BCAS3: variants seen among roughly 807,000 people sequenced by gnomAD.
BCAS3 encodes BCAS4/BCAS3 fusion.
BCAS3 carries 53 observed loss-of-function variants against 116.1 expected under a neutral mutation model. That is an observed-to-expected ratio of 0.46 (90% CI 0.37 to 0.57). BCAS3 has a LOEUF of 0.57. Ranked by LOEUF, BCAS3 falls within the 20% of genes least tolerant of loss-of-function variation. BCAS3 has a pLI of 0.00. For synonymous variants in BCAS3, 391 were observed against 408.2 expected (o/e 0.96, Z 0.51); for missense variants, 917 against 1,165.4 (o/e 0.79, Z 3.10).
intron 22 of BCAS3, among the ~76,000 whole-genome samples, chr17:61,170,173 G>A (rs2078754906): frequency 6.6e-6 from 1 of 151,674 alleles, no homozygotes; most frequent in African/African-American, 2.4e-5. Context: ...TTTCTAATCA[G>A]TTGGGTATTC....
rs1351000153 is a variant in BCAS3, at chr17:61,008,812, T to G, written c.1487-6939T>G. On this transcript the variant is annotated intron_variant, in intron 15 of 23. Coordinates refer to ENST00000407086, the MANE Select transcript of BCAS3 (RefSeq NM_017679.5). The surrounding 1 kb of genome is among the most constrained non-coding windows in gnomAD (Gnocchi z 4.6). The stretch of plus-strand genomic sequence containing the variant: ...ATGATGTCTTAGAATAGGTAAAGTG[T>G]TGCAAAGAGGGCAAAAATAAAGGAG... 1.3e-5 allele frequency among the ~76,000 whole-genome samples: 2 copies of G among 152,016 alleles called. No homozygotes were observed. Among genetic ancestry groups the G allele is most frequent in the Non-Finnish European group, 2.9e-5 (2 of 67,950 alleles).
At chr17:61,350,968 G>T (rs1428546571) in intron 22 of BCAS3, among the ~76,000 whole-genome samples, 1 of 152,162 alleles carries the variant, frequency 6.6e-6, no homozygotes, top group African/African-American at 2.4e-5. Flanking sequence ...CCTGCCATTT[G>T]CCACAACTTG....
chr17:60,729,845 T>C (rs1199559796), intron 5 of BCAS3, among the ~76,000 whole-genome samples: 3 of 152,230 alleles, frequency 2.0e-5, no homozygotes, highest in Admixed American at 2.0e-4. Context: ...TTTGTATGTC[T>C]GAGTGATTAT....
intron 12 of BCAS3, among the ~76,000 whole-genome samples, chr17:60,913,719 A>G (rs552185319): frequency 5.9e-5 from 9 of 152,104 alleles, no homozygotes; most frequent in Non-Finnish European, 1.2e-4. Context: ...GCCTTTGATA[A>G]TGATTTTTTT....
chr17:60,891,360 C>T (rs774807154), intron 10 of BCAS3, among the ~76,000 whole-genome samples: 29 of 152,126 alleles, frequency 1.9e-4, no homozygotes, highest in Admixed American at 1.2e-3. Flanking sequence ...TGAATATGCA[C>T]CAGTTGTTTT....
rs757892140 is a variant in BCAS3 at position 61,060,656 on chromosome 17, GTT to G, written c.2030-14260_2030-14259del. Among the ~76,000 whole-genome samples, 114 of 152,200 alleles carry G rather than the reference GTT, an allele frequency of 7.5e-4. 1 individual carries two copies. Among genetic ancestry groups the G allele is most frequent in the Non-Finnish European group, 5.6e-4 (38 of 68,000 alleles). ...AATCTTTTGAAACATTCATAAAATAGTTTTTAAAAAAATTATTGGAGAAACGT... is the reference window on the plus strand; with the variant it reads ...AATCTTTTGAAACATTCATAAAATAGTTTAAAAAAATTATTGGAGAAACGT... On this transcript the variant is annotated intron_variant, in intron 19 of 23. Coordinates refer to ENST00000407086, the MANE Select transcript of BCAS3 (RefSeq NM_017679.5).
In BCAS3 at chr17:61,323,509, A is replaced by G. The variant is rs1712463115; in HGVS notation, c.2426-44818A>G. ...CTGTGAACTGAAGCTAATTTCTCCT[A>G]CCTGGGAGGATTGATATGGAAGAGA... On this transcript the variant is annotated intron_variant, in intron 22 of 23. Transcript: ENST00000407086. The surrounding 1 kb of genome is among the most constrained non-coding windows in gnomAD (Gnocchi z 4.6). 6.6e-6 allele frequency among the ~76,000 whole-genome samples: 1 copy of G among 152,198 alleles called. No homozygotes were observed. The highest frequency in any genetic ancestry group is 2.1e-4 in the South Asian group (1 of 4,830).
intron 22 of BCAS3, among the ~76,000 whole-genome samples, chr17:61,099,535 A>T (rs1312882916): frequency 6.6e-6 from 1 of 152,218 alleles, no homozygotes; most frequent in East Asian, 1.9e-4. Context: ...GCCTATGGTC[A>T]ATTGTGTAAT....
chr17:61,228,544 C>G lies in BCAS3; in HGVS notation c.2426-139783C>G, dbSNP rs193040978. 3.3e-5 allele frequency among the ~76,000 whole-genome samples: 5 copies of G among 152,138 alleles called. No homozygotes were observed. The highest frequency in any genetic ancestry group is 1.2e-4 in the African/African-American group (5 of 41,434). ...TTTTTCTAACAGCATGTGCTCACTT[C>G]GTGTCTCTGTGTCATACTATGGTAA... On this transcript the variant is annotated intron_variant, in intron 22 of 23. Transcript: ENST00000407086. The surrounding 1 kb of genome is among the most constrained non-coding windows in gnomAD (Gnocchi z 5.0).
intron 22 of BCAS3, among the ~76,000 whole-genome samples, chr17:61,185,227 T>C (rs1448882181): frequency 6.6e-6 from 1 of 152,090 alleles, no homozygotes; most frequent in Admixed American, 6.5e-5. Context: ...ACATTCAAGA[T>C]AGACCCTTCA....
intron 2 of BCAS3, among the ~76,000 whole-genome samples, chr17:60,683,505 CTTTTTTTTTTTTTTTTTTTTTTTTTTT>C (rs138663451): frequency 1.1e-4 from 5 of 44,468 alleles, no homozygotes; most frequent in African/African-American, 3.3e-4. Flanking sequence ...AAGAGTTAGC[CTTTTTTTTTTTTTTTTTTTTTTTTTTT>C]TTTTTTTTTT....
intron 19 of BCAS3, among the ~76,000 whole-genome samples, chr17:61,042,383 C>G (rs542018352): frequency 4.8e-4 from 73 of 151,930 alleles, no homozygotes; most frequent in African/African-American, 1.8e-3. Flanking sequence ...AAAGATATAG[C>G]TATATCTATC....
At chr17:61,055,118 A>G (rs1362750630) in intron 19 of BCAS3, among the ~76,000 whole-genome samples, 1 of 152,180 alleles carries the variant, frequency 6.6e-6, no homozygotes, top group East Asian at 1.9e-4. Flanking sequence ...CTTTTCTTCA[A>G]AAAATGAGGA....
At position 61,144,317 on chromosome 17, in the gene BCAS3, C is replaced by CGAGTCT. The variant is rs1288884972; in HGVS notation, c.2425+59754_2425+59759dup. On this transcript the variant is annotated intron_variant, in intron 22 of 23. Transcript: ENST00000407086. The surrounding 1 kb of genome is among the most constrained non-coding windows in gnomAD (Gnocchi z 5.0). The stretch of plus-strand genomic sequence containing the variant: ...GCAAGTGACTCCCTACCATCTCCTC[C>CGAGTCT]GAGTCTTCTACGTGTATGTCTAGAT... Among the ~76,000 whole-genome samples the CGAGTCT allele has an allele frequency of 5.9e-5, 9 of 152,284 alleles. No individual in the cohort carries two copies. In the South Asian group the frequency reaches 1.9e-3, roughly 32 times the overall value.
intron 13 of BCAS3, among the ~76,000 whole-genome samples, chr17:60,930,182 A>G (rs185702447): frequency 1.7e-4 from 26 of 152,300 alleles, no homozygotes; most frequent in African/African-American, 6.3e-4. Flanking sequence ...GTAACCATAT[A>G]TGTTTTAAAA....
Position 60,910,714 on chromosome 17 carries a change from T to A in BCAS3, c.993+12T>A, listed in dbSNP as rs995234490. ...TTGGAGAGGGCCAGGTAAGAAGAAC[T>A]TTTGGTGCGTACCATGTGTGTTACT... On this transcript the variant is annotated intron_variant, in intron 12 of 23. Coordinates refer to ENST00000407086, the MANE Select transcript of BCAS3 (RefSeq NM_017679.5). 1.6e-5 allele frequency: 25 copies of A among 1,596,554 alleles called. No homozygotes were observed. Among genetic ancestry groups the A allele is most frequent in the Non-Finnish European group, 2.0e-5 (24 of 1,171,608 alleles).
In BCAS3 at chr17:61,056,097, G is replaced by A. The variant is rs2069355226; in HGVS notation, c.2029+15205G>A. Among the ~76,000 whole-genome samples, 1 of 152,262 alleles carries A rather than the reference G, an allele frequency of 6.6e-6. No homozygotes were observed. The highest frequency in any genetic ancestry group is 1.5e-5 in the Non-Finnish European group (1 of 68,030). On this transcript the variant is annotated intron_variant, in intron 19 of 23. Transcript: ENST00000407086. The surrounding 1 kb of genome is among the most constrained non-coding windows in gnomAD (Gnocchi z 4.9). Reference sequence around the variant, plus strand: ...GGTCACTGCATTCCAGATTTCTTTCGTGGTATAAATGTGGACCACCTGCCA... The same window carrying A: ...GGTCACTGCATTCCAGATTTCTTTCATGGTATAAATGTGGACCACCTGCCA...
intron 6 of BCAS3, among the ~76,000 whole-genome samples, chr17:60,765,744 C>T (rs778811349): frequency 6.6e-6 from 1 of 152,134 alleles, no homozygotes; most frequent in African/African-American, 2.4e-5. Flanking sequence ...GCCTGCCTTG[C>T]TATGTTGGGG....
chr17:61,075,375 C>T (rs868667364), intron 20 of BCAS3, among the ~76,000 whole-genome samples: 6 of 152,166 alleles, frequency 3.9e-5, no homozygotes, highest in South Asian at 2.1e-4. Flanking sequence ...AGTGCAGTGA[C>T]ACGACCTTGG....
Sources: gnomAD v4.1 joint callset for allele counts (sites outside exome capture counted in the v4.1 genomes callset) on GRCh38, gnomAD v4.1.1 for gene constraint, Gnocchi (gnomAD v3.1) non-coding constraint, MANE v1.5 for transcripts, NCBI Gene and HGNC (gene_info 2026-07-23, HGNC 2026-07-21) for gene names.